The following PRKN variants were observed in gnomAD, a reference collection of about 807,000 sequenced individuals.
PRKN encodes the protein parkin RBR E3 ubiquitin protein ligase.
In PRKN, 56 loss-of-function variants were observed where a neutral mutation model predicts 59.5. That is an observed-to-expected ratio of 0.94 (90% confidence interval 0.76 to 1.18). PRKN has a LOEUF of 1.18. PRKN is among the 50% of genes most tolerant of loss of function. PRKN has a pLI of 0.00. For synonymous variants in PRKN, 250 were observed against 222.1 expected, an observed-to-expected ratio of 1.13 and a Z score of -1.12; for missense variants, 657 against 596.4, an observed-to-expected ratio of 1.10 and a Z score of -1.06.
chr6:161,847,849 G>A (rs2128221834), intron 6 of PRKN, among the ~76,000 whole-genome samples: 1 of 152,296 alleles, frequency 6.6e-6, no homozygotes, highest in Admixed American at 6.5e-5. Flanking sequence ...TTTCACAAGG[G>A]TTGGGAAAGA....
intron 2 of PRKN, among the ~76,000 whole-genome samples, chr6:162,297,813 T>C (rs1429839118): frequency 6.6e-6 from 1 of 152,162 alleles, no homozygotes; most frequent in Non-Finnish European, 1.5e-5. Flanking sequence ...TCATCCTTCC[T>C]GCTTCATTAA....
At chr6:161,450,701 T>C (rs963690169) in intron 9 of PRKN, among the ~76,000 whole-genome samples, 55 of 151,988 alleles carry the variant, frequency 3.6e-4, no homozygotes, top group African/African-American at 5.6e-4. Flanking sequence ...GGACTACAGG[T>C]GCCCGCCACC....
intron 2 of PRKN, among the ~76,000 whole-genome samples, chr6:162,418,267 T>G (rs550013890): frequency 1.3e-4 from 20 of 152,324 alleles, no homozygotes; most frequent in African/African-American, 3.6e-4. Flanking sequence ...AGATATATAT[T>G]GTGTAATTCC....
chr6:161,505,297 G>C (rs1778119876), intron 9 of PRKN, among the ~76,000 whole-genome samples: 1 of 151,844 alleles, frequency 6.6e-6, no homozygotes, highest in Admixed American at 6.6e-5. Context: ...ATTTTTTCAT[G>C]TGTTTTTTGG....
At chr6:162,293,620 C>G (rs930376933) in intron 2 of PRKN, among the ~76,000 whole-genome samples, 2 of 152,114 alleles carry the variant, frequency 1.3e-5, no homozygotes, top group African/African-American at 4.8e-5. Flanking sequence ...CCGGTGGAAG[C>G]CAGGGGATGA....
intron 3 of PRKN, among the ~76,000 whole-genome samples, chr6:162,251,444 G>A (rs1779432054): frequency 2.0e-5 from 3 of 152,224 alleles, no homozygotes; most frequent in Admixed American, 6.5e-5. Flanking sequence ...AAGTCACTCC[G>A]GGGCCCACTA....
chr6:162,127,223 G>A (rs934813947), intron 4 of PRKN, among the ~76,000 whole-genome samples: 11 of 152,318 alleles, frequency 7.2e-5, no homozygotes, highest in South Asian at 2.1e-4. Context: ...GCACGCTGCC[G>A]CTGTGACTAC....
intron 7 of PRKN, among the ~76,000 whole-genome samples, chr6:161,591,490 T>C (rs914078790): frequency 5.3e-5 from 8 of 152,184 alleles, no homozygotes; most frequent in Admixed American, 3.3e-4. Context: ...GAATACTTAC[T>C]GGATAGTTCA....
intron 1 of PRKN, among the ~76,000 whole-genome samples, chr6:162,722,550 G>A (rs541262180): frequency 2.4e-4 from 37 of 152,214 alleles, no homozygotes; most frequent in African/African-American, 8.7e-4. Context: ...ATAAGCACTG[G>A]GCTACAATTA....
intron 1 of PRKN, among the ~76,000 whole-genome samples, chr6:162,595,505 C>T (rs746094649): frequency 1.8e-4 from 28 of 152,088 alleles, no homozygotes; most frequent in Non-Finnish European, 2.5e-4. Flanking sequence ...ATCCACCTGC[C>T]GCAGCCTCCC....
At chr6:162,701,600 T>C (rs1778154054) in intron 1 of PRKN, among the ~76,000 whole-genome samples, 2 of 151,732 alleles carry the variant, frequency 1.3e-5, no homozygotes, top group African/African-American at 4.8e-5. Context: ...TGTTCACCAA[T>C]CAAAATACCT....
intron 6 of PRKN, among the ~76,000 whole-genome samples, chr6:161,812,833 T>C (rs950416785): frequency 6.6e-6 from 1 of 152,352 alleles, no homozygotes; most frequent in African/African-American, 2.4e-5. Flanking sequence ...TCTTTAAAAC[T>C]GTAAAGTTTC....
intron 4 of PRKN, among the ~76,000 whole-genome samples, chr6:162,134,015 T>C (rs1192656397): frequency 2.0e-5 from 3 of 152,206 alleles, no homozygotes; most frequent in African/African-American, 7.2e-5. Flanking sequence ...ATAATGTAAC[T>C]TGGGAGATGC....
intron 2 of PRKN, among the ~76,000 whole-genome samples, chr6:162,291,218 A>G (rs1250031362): frequency 2.0e-5 from 3 of 152,160 alleles, no homozygotes; most frequent in Non-Finnish European, 2.9e-5. Context: ...TCTGGACACT[A>G]AAATGCAGCT....
intron 4 of PRKN, among the ~76,000 whole-genome samples, chr6:162,173,671 T>G (rs1583150129): frequency 6.6e-6 from 1 of 152,282 alleles, no homozygotes; most frequent in East Asian, 1.9e-4. Flanking sequence ...CTCTTCTTCA[T>G]GCTTGTCTTA....
chr6:162,491,634 G>T (rs544951900), intron 1 of PRKN, among the ~76,000 whole-genome samples: 4 of 152,298 alleles, frequency 2.6e-5, no homozygotes, highest in East Asian at 3.9e-4. Context: ...ACACAAGCCT[G>T]GGGGAGCAAG....
rs1449264348 is a variant in PRKN, at chr6:161,396,361, C to T, written c.1084-9484G>A. ...TTGGCGGGCAAATTTCAATATCTAA[C>T]TGAGAATTCCCTTTACCATCCTGCA... On this transcript the variant is annotated intron_variant, in intron 9 of 11. Coordinates refer to ENST00000366898, the MANE Select transcript of PRKN (RefSeq NM_004562.3). The surrounding 1 kb of genome is among the most constrained non-coding windows in gnomAD (Gnocchi z 5.4). Among the ~76,000 whole-genome samples, 1 of 152,146 alleles carries T rather than the reference C, an allele frequency of 6.6e-6. No individual in the cohort carries two copies. The highest frequency in any genetic ancestry group is 2.4e-5 in the African/African-American group (1 of 41,422).
intron 3 of PRKN, among the ~76,000 whole-genome samples, chr6:162,232,684 T>C (rs1199650009): frequency 2.0e-5 from 3 of 152,144 alleles, no homozygotes; most frequent in African/African-American, 7.2e-5. Context: ...GTGACTTTAT[T>C]CAAGGTCTTT....
At chr6:162,722,798 T>C (rs1778985209) in intron 1 of PRKN, among the ~76,000 whole-genome samples, 1 of 152,128 alleles carries the variant, frequency 6.6e-6, no homozygotes. Flanking sequence ...TTTCAAAAAA[T>C]GCAGACTTCA....
Sources: allele counts gnomAD v4.1 joint callset (sites outside exome capture counted in the v4.1 genomes callset), GRCh38; gene constraint gnomAD v4.1.1; non-coding constraint Gnocchi (gnomAD v3.1); transcripts MANE v1.5; gene names NCBI Gene and HGNC (gene_info 2026-07-23, HGNC 2026-07-21).